The following C17orf67 variants were observed in gnomAD, a reference collection of about 807,000 sequenced individuals.
The protein encoded by C17orf67 is chromosome 17 open reading frame 67, also known as uncharacterized protein C17orf67.
A neutral mutation model predicts 11.2 loss-of-function variants in C17orf67; 12 were observed. That is an observed-to-expected ratio of 1.07 (90% confidence interval 0.68 to 1.73). The LOEUF (loss-of-function observed/expected upper bound fraction) is 1.73. C17orf67 is among the 40% of genes most tolerant of loss of function. The pLI is 0.00. For synonymous variants in C17orf67, 59 were observed against 46.9 expected, an observed-to-expected ratio of 1.26 and a Z score of -1.05; for missense variants, 115 against 113.5, an observed-to-expected ratio of 1.01 and a Z score of -0.06.
intron 6 of C17orf67, among the ~76,000 whole-genome samples, chr17:56,801,550 C>A (rs1905322391): frequency 6.6e-6 from 1 of 151,914 alleles, no homozygotes; most frequent in Admixed American, 6.6e-5. Flanking sequence ...AAGACCCATG[C>A]AGTTTGGATT....
At chr17:56,794,425 G>A (rs1164825881) in intron 7 of C17orf67, among the ~76,000 whole-genome samples, 1 of 152,092 alleles carries the variant, frequency 6.6e-6, no homozygotes, top group African/African-American at 2.4e-5. Context: ...AAGATGATGA[G>A]GACAGACAGG....
chr17:56,804,985 C>G (rs1905410548), intron 6 of C17orf67, among the ~76,000 whole-genome samples: 1 of 152,108 alleles, frequency 6.6e-6, no homozygotes, highest in South Asian at 2.1e-4. Flanking sequence ...TGGAGAGAAG[C>G]AAAGGAAGGA....
chr17:56,829,934 CAG>C (rs755867197), intron 2 of C17orf67, among the ~76,000 whole-genome samples: 2 of 152,162 alleles, frequency 1.3e-5, no homozygotes, highest in African/African-American at 2.4e-5. Context: ...ACTTTGAAAA[CAG>C]ATTTCATTTA....
intron 6 of C17orf67, among the ~76,000 whole-genome samples, chr17:56,797,872 T>C (rs1950548582): frequency 6.6e-6 from 1 of 152,196 alleles, no homozygotes; most frequent in Non-Finnish European, 1.5e-5. Flanking sequence ...GGGTTACTCA[T>C]GGCATTATGT....
At chr17:56,823,284 C>A (rs1905949259) in intron 4 of C17orf67, among the ~76,000 whole-genome samples, 1 of 152,086 alleles carries the variant, frequency 6.6e-6, no homozygotes, top group African/African-American at 2.4e-5. Context: ...GATTAAGCTT[C>A]GGAGAGGTTA....
chr17:56,806,899 C>T (rs1905464751), intron 6 of C17orf67, among the ~76,000 whole-genome samples: 2 of 152,318 alleles, frequency 1.3e-5, no homozygotes, highest in Admixed American at 1.3e-4. Context: ...GAGAAGTAGT[C>T]AGGTTCTGGA....
intron 6 of C17orf67, among the ~76,000 whole-genome samples, chr17:56,808,548 C>A (rs995159875): frequency 6.6e-6 from 1 of 152,126 alleles, no homozygotes; most frequent in Non-Finnish European, 1.5e-5. Flanking sequence ...CTAGGTTCCC[C>A]GCAAGATGTC....
chr17:56,793,078 T>C (rs1905147845), intron 7 of C17orf67, among the ~76,000 whole-genome samples: 1 of 151,004 alleles, frequency 6.6e-6, no homozygotes, highest in Admixed American at 6.6e-5. Flanking sequence ...AGAGGACGAG[T>C]AGACCAAGGA....
At chr17:56,831,007 C>T (rs1313727066) in intron 2 of C17orf67, among the ~76,000 whole-genome samples, 2 of 152,162 alleles carry the variant, frequency 1.3e-5, no homozygotes, top group South Asian at 2.1e-4. Flanking sequence ...ACTCAGTGAA[C>T]GATGGCCAGA....
At position 56,795,150 on chromosome 17, in the gene C17orf67, G is replaced by A; in HGVS notation, c.187C>T (p.His63Tyr). Residue 63 changes from histidine (H) to tyrosine (Y), a missense_variant, in exon 7 of 8, where the codon CAT becomes TAT. By Grantham distance (83) the His-to-Tyr change is moderately conservative. Coordinates refer to ENST00000397861, the MANE Select transcript of C17orf67 (RefSeq NM_001085430.4). ...EYMHHLLALE[H>Y]RAEEQFLEHW... ...TCCAGGAACTGCTCCTCAGCGCGAT[G>A]CTCCAGGGCGAGCAGGTGGTGCATG... 6.2e-7 allele frequency: 1 copy of A among 1,614,204 alleles called. No individual in the cohort carries two copies. The highest frequency in any genetic ancestry group is 1.1e-5 in the South Asian group (1 of 91,088).
chr17:56,815,904 T>A lies in C17orf67; in HGVS notation c.-94A>T. 6.3e-7 allele frequency: 1 copy of A among 1,597,492 alleles called. No individual in the cohort carries two copies. Among genetic ancestry groups the A allele is most frequent in the Non-Finnish European group, 8.5e-7 (1 of 1,170,352 alleles). On this transcript the variant is annotated 5_prime_UTR_variant, in exon 5 of 8. Coordinates refer to ENST00000397861, the MANE Select transcript of C17orf67 (RefSeq NM_001085430.4). ...CCATGCCAGGCCCTGCGCTTGTTTA[T>A]GCTTTGACTAACGGGACTTACGGTA...
chr17:56,823,929 T>C (rs987866992), intron 4 of C17orf67, among the ~76,000 whole-genome samples: 5 of 152,212 alleles, frequency 3.3e-5, no homozygotes, highest in African/African-American at 1.2e-4. Context: ...AAAACTTAAA[T>C]GCATATTACT....
intron 6 of C17orf67, among the ~76,000 whole-genome samples, chr17:56,812,320 C>T (rs1056400021): frequency 2.0e-5 from 3 of 152,178 alleles, no homozygotes; most frequent in Non-Finnish European, 4.4e-5. Flanking sequence ...TGTTTAGCAG[C>T]ATCCCTGGTC....
intron 6 of C17orf67, chr17:56,804,296 A>G (rs1177428145): frequency 6.6e-6 from 1 of 152,244 alleles, no homozygotes; most frequent in Non-Finnish European, 1.5e-5. Context: ...CAGTTATTCT[A>G]TCAAGGCAGG....
intron 6 of C17orf67, among the ~76,000 whole-genome samples, chr17:56,806,493 T>C (rs1244394182): frequency 1.3e-5 from 2 of 152,228 alleles, no homozygotes; most frequent in Admixed American, 1.3e-4. Context: ...TTTACATGCA[T>C]ATCCATGTAC....
intron 2 of C17orf67, among the ~76,000 whole-genome samples, chr17:56,828,825 G>A (rs936014987): frequency 7.0e-6 from 1 of 143,434 alleles, no homozygotes; most frequent in Non-Finnish European, 1.5e-5. Flanking sequence ...GAGGAGAAAT[G>A]CCAACTCACA....
chr17:56,794,951 C>T, intron 7 of C17orf67, 93 bp downstream of exon 7: 2 of 858,974 alleles, frequency 2.3e-6, no homozygotes, highest in Non-Finnish European at 3.7e-6. Flanking sequence ...AGCTGGCCCC[C>T]CTGAGGCATG....
chr17:56,826,249 C>G (rs1373343948), intron 2 of C17orf67, among the ~76,000 whole-genome samples: 5 of 152,194 alleles, frequency 3.3e-5, no homozygotes, highest in African/African-American at 1.2e-4. Flanking sequence ...CCACCATGCC[C>G]AGTCTGTCAC....
intron 7 of C17orf67, among the ~76,000 whole-genome samples, chr17:56,794,649 C>T (rs1905175218): frequency 6.6e-6 from 1 of 152,174 alleles, no homozygotes; most frequent in African/African-American, 2.4e-5. Context: ...GTTGTTGATC[C>T]TGATGACAGT....
Sources: gnomAD v4.1 joint callset for allele counts (sites outside exome capture counted in the v4.1 genomes callset) on GRCh38, gnomAD v4.1.1 for gene constraint, MANE v1.5 for transcripts, NCBI Gene and HGNC (gene_info 2026-07-23, HGNC 2026-07-21) for gene names.